CD109: variants seen among roughly 807,000 people sequenced by gnomAD.
CD109 encodes the protein CD109 molecule.
A neutral mutation model predicts 165.8 loss-of-function variants in CD109; 149 were observed. That is an observed-to-expected ratio of 0.90 (90% CI 0.79 to 1.03). The LOEUF is 1.03. Among genes scored for constraint, CD109 ranks in the 50% least tolerant of loss-of-function variants. The probability of loss-of-function intolerance (pLI) is 0.00; values close to 1 mark genes in which losing one functional copy is unlikely to be tolerated. For synonymous variants in CD109, 585 were observed against 592.1 expected, an observed-to-expected ratio of 0.99 and a Z score of 0.18; for missense variants, 1,712 against 1,677.8, an observed-to-expected ratio of 1.02 and a Z score of -0.36.
At position 73,806,537 on chromosome 6, in the gene CD109, T is replaced by A. The variant is rs149075289; in HGVS notation, c.2961-307T>A. Among the ~76,000 whole-genome samples the A allele has an allele frequency of 4.0e-3, 605 of 152,116 alleles. 5 individuals are homozygous for A. The highest frequency in any genetic ancestry group is 0.014 in the African/African-American group (566 of 41,474). The stretch of plus-strand genomic sequence containing the variant: ...AAATAAAAATAAAATAAAATAAAAT[T>A]AAATTAAAAAATGGAGCTGGATTAG... On this transcript the variant is annotated intron_variant, in intron 24 of 32. Coordinates refer to ENST00000287097, the MANE Select transcript of CD109 (RefSeq NM_133493.5).
At chr6:73,679,638 G>T in the CD109 span, among the ~76,000 whole-genome samples, 73 of 142,912 alleles carry the variant, frequency 5.1e-4, no homozygotes, top group African/African-American at 1.8e-3. Flanking sequence ...GTTTTTTTTT[G>T]TTTTTTGTTT....
At chr6:73,787,995 A>G (rs745612946) in intron 21 of CD109, among the ~76,000 whole-genome samples, 13 of 152,134 alleles carry the variant, frequency 8.5e-5, no homozygotes, top group Non-Finnish European at 1.8e-4. Flanking sequence ...TTACATTTTC[A>G]TCTTCTTCTT....
chr6:73,801,658 C>T (rs1775364228), intron 23 of CD109, among the ~76,000 whole-genome samples: 1 of 152,296 alleles, frequency 6.6e-6, no homozygotes, highest in East Asian at 1.9e-4. Flanking sequence ...AACACATTAA[C>T]TGTAATTTCA....
At chr6:73,741,491 G>A (rs976746963) in intron 5 of CD109, among the ~76,000 whole-genome samples, 4 of 152,178 alleles carry the variant, frequency 2.6e-5, no homozygotes, top group Admixed American at 2.6e-4. Context: ...GTGGGAATAT[G>A]TTCTGATTTA....
At chr6:73,813,696 A>G (rs371363516) in intron 29 of CD109, among the ~76,000 whole-genome samples, 1 of 152,180 alleles carries the variant, frequency 6.6e-6, no homozygotes, top group East Asian at 1.9e-4. Context: ...ATAAAATACT[A>G]AACTGTTGGA....
chr6:73,692,960 G>A (rs953840849), upstream of CD109, among the ~76,000 whole-genome samples: 2 of 152,038 alleles, frequency 1.3e-5, no homozygotes, highest in African/African-American at 2.4e-5. Flanking sequence ...TATTAGCAGG[G>A]TGAGAACAGA....
intron 15 of CD109, among the ~76,000 whole-genome samples, chr6:73,772,342 A>G (rs1162140548): frequency 6.6e-6 from 1 of 151,898 alleles, no homozygotes; most frequent in Non-Finnish European, 1.5e-5. Context: ...CATCTCTACT[A>G]AAAATACAAA....
At chr6:73,757,992 A>G (rs1196771412) in intron 6 of CD109, among the ~76,000 whole-genome samples, 3 of 151,292 alleles carry the variant, frequency 2.0e-5, no homozygotes, top group Non-Finnish European at 4.4e-5. Context: ...GAGGTGGGGA[A>G]TTGATTGCAA....
At chr6:73,717,880 A>G (rs1771803912) in intron 2 of CD109, among the ~76,000 whole-genome samples, 1 of 151,738 alleles carries the variant, frequency 6.6e-6, no homozygotes, top group Admixed American at 6.6e-5. Context: ...CGGCCTCCCA[A>G]AGTGCTGGGA....
At chr6:73,773,156 G>T (rs1002049869) in intron 15 of CD109, among the ~76,000 whole-genome samples, 1 of 149,948 alleles carries the variant, frequency 6.7e-6, no homozygotes, top group Non-Finnish European at 1.5e-5. Context: ...GATGTGCTGC[G>T]CACTCTGTCT....
intron 7 of CD109, 26 bp downstream of exon 7, chr6:73,759,054 G>T (rs373245474): frequency 1.4e-6 from 2 of 1,382,812 alleles, no homozygotes; most frequent in East Asian, 2.3e-5. Context: ...CTTTTGATAT[G>T]ACTCAAAACC....
At chr6:73,715,445 G>T (rs1198258191) in intron 2 of CD109, among the ~76,000 whole-genome samples, 3 of 151,188 alleles carry the variant, frequency 2.0e-5, no homozygotes, top group Non-Finnish European at 4.4e-5. Flanking sequence ...TGTGCTTGTA[G>T]TCCTAGTTAC....
chr6:73,777,822 A>G lies in CD109; in HGVS notation c.1828-2602A>G, dbSNP rs188957614. On this transcript the variant is annotated intron_variant, in intron 15 of 32. Coordinates refer to ENST00000287097, the MANE Select transcript of CD109 (RefSeq NM_133493.5). ...GCTGTTTTGGTTACTATAGCCTTGTAGTACAGTTTGAACTCTGGTAGCATG... is the reference window on the plus strand; with the variant it reads ...GCTGTTTTGGTTACTATAGCCTTGTGGTACAGTTTGAACTCTGGTAGCATG... Among the ~76,000 whole-genome samples the G allele has an allele frequency of 2.0e-5, 3 of 152,252 alleles. No individual in the cohort carries two copies. The East Asian group carries it at 5.8e-4, about 29-fold the overall frequency.
chr6:73,748,547 G>A (rs1773067669), intron 5 of CD109, among the ~76,000 whole-genome samples: 1 of 152,196 alleles, frequency 6.6e-6, no homozygotes, highest in South Asian at 2.1e-4. Flanking sequence ...GAAGGTCCAT[G>A]CGGGGTTGTA....
chr6:73,738,756 T>C (rs1772639769), intron 5 of CD109, among the ~76,000 whole-genome samples: 1 of 152,232 alleles, frequency 6.6e-6, no homozygotes, highest in African/African-American at 2.4e-5. Flanking sequence ...TTGAACTCTA[T>C]GCTTTAGACA....
At chr6:73,733,291 C>A (rs549493638) in intron 4 of CD109, among the ~76,000 whole-genome samples, 4 of 152,284 alleles carry the variant, frequency 2.6e-5, no homozygotes, top group African/African-American at 9.6e-5. Context: ...TGGAGAAGTG[C>A]ACCTGAGAGT....
intron 23 of CD109, among the ~76,000 whole-genome samples, chr6:73,802,907 T>C (rs879938590): frequency 1.3e-5 from 2 of 152,048 alleles, no homozygotes; most frequent in Non-Finnish European, 2.9e-5. Flanking sequence ...ACCATGTTGG[T>C]CAAGCTGGTC....
At chr6:73,701,097 A>G (rs1771060116) in intron 2 of CD109, among the ~76,000 whole-genome samples, 1 of 148,408 alleles carries the variant, frequency 6.7e-6, no homozygotes, top group Non-Finnish European at 1.5e-5. Context: ...CACCGTGCCC[A>G]GCGATTATGG....
chr6:73,803,724 A>G (rs905094311), intron 24 of CD109, among the ~76,000 whole-genome samples: 1 of 151,846 alleles, frequency 6.6e-6, no homozygotes, highest in African/African-American at 2.4e-5. Context: ...AAAAACAAAC[A>G]CTGATGGAAT....
Sources: allele counts gnomAD v4.1 joint callset (sites outside exome capture counted in the v4.1 genomes callset), GRCh38; gene constraint gnomAD v4.1.1; transcripts MANE v1.5; gene names NCBI Gene and HGNC (gene_info 2026-07-23, HGNC 2026-07-21).